The following ST8SIA1 variants were observed in gnomAD, a reference collection of about 807,000 sequenced individuals.
ST8SIA1 encodes the protein ST8 alpha-N-acetyl-neuraminide alpha-2,8-sialyltransferase 1.
A neutral mutation model predicts 35.9 loss-of-function variants in ST8SIA1; 16 were observed. The ratio of observed to expected loss-of-function variants is 0.45; its 90% CI spans 0.30 to 0.68. ST8SIA1 has a LOEUF of 0.68. ST8SIA1 is among the 30% of genes least tolerant of loss of function. The pLI, the probability that ST8SIA1 is intolerant of heterozygous loss-of-function variation, is 0.09. For synonymous variants in ST8SIA1, 170 were observed against 169.6 expected, an observed-to-expected ratio of 1.00 and a Z score of -0.02; for missense variants, 383 against 453.6, an observed-to-expected ratio of 0.84 and a Z score of 1.41.
chr12:22,286,545 T>C, intron 2 of ST8SIA1: 1 of 517,396 alleles, frequency 1.9e-6, no homozygotes, highest in South Asian at 1.4e-5. Context: ...AAATTTCCCT[T>C]TTCCCCCCTC....
intron 2 of ST8SIA1, among the ~76,000 whole-genome samples, chr12:22,260,878 T>TG (rs1241404174): frequency 2.1e-5 from 3 of 146,338 alleles, no homozygotes; most frequent in Non-Finnish European, 3.0e-5. Flanking sequence ...GTTGTTGTTT[T>TG]TTTTTTTTTT....
intron 2 of ST8SIA1, among the ~76,000 whole-genome samples, chr12:22,278,558 T>A (rs1187746102): frequency 6.6e-6 from 1 of 152,090 alleles, no homozygotes; most frequent in Non-Finnish European, 1.5e-5. Flanking sequence ...AAAATCAGAG[T>A]GGATTGAACT....
intron 1 of ST8SIA1, among the ~76,000 whole-genome samples, chr12:22,318,471 A>G (rs551541197): frequency 6.6e-6 from 1 of 152,328 alleles, no homozygotes; most frequent in Non-Finnish European, 1.5e-5. Flanking sequence ...CTAGATAGTT[A>G]AGAGAGCAAA....
chr12:22,330,601 ATAGCAAC>A (rs1232499320), intron 1 of ST8SIA1, among the ~76,000 whole-genome samples: 3 of 152,188 alleles, frequency 2.0e-5, no homozygotes, highest in African/African-American at 7.2e-5. Context: ...CCATGGGATT[ATAGCAAC>A]TCCCTTGAAG....
chr12:22,308,755 A>G (rs1210004866), intron 1 of ST8SIA1, among the ~76,000 whole-genome samples: 1 of 152,188 alleles, frequency 6.6e-6, no homozygotes, highest in Non-Finnish European at 1.5e-5. Flanking sequence ...TGATCGCTGA[A>G]GCATTTGACA....
At chr12:22,270,400 C>G (rs1865898511) in intron 2 of ST8SIA1, among the ~76,000 whole-genome samples, 1 of 152,144 alleles carries the variant, frequency 6.6e-6, no homozygotes, top group Admixed American at 6.5e-5. Context: ...AAAATATAAC[C>G]AACCTACTCT....
At chr12:22,294,933 C>T (rs958496569) in intron 1 of ST8SIA1, among the ~76,000 whole-genome samples, 2 of 152,088 alleles carry the variant, frequency 1.3e-5, no homozygotes, top group African/African-American at 4.8e-5. Flanking sequence ...TTTTGAGAAC[C>T]ACTTATTTGT....
At chr12:22,270,242 A>G (rs974547358) in intron 2 of ST8SIA1, among the ~76,000 whole-genome samples, 1 of 152,238 alleles carries the variant, frequency 6.6e-6, no homozygotes, top group Non-Finnish European at 1.5e-5. Flanking sequence ...CTCAATTTCT[A>G]CATGTCAAAT....
intron 1 of ST8SIA1, chr12:22,325,707 T>C (rs1866666990): frequency 1.6e-6 from 1 of 615,860 alleles, no homozygotes; most frequent in Non-Finnish European, 2.9e-6. Context: ...TATACATACA[T>C]GCCTATGATA....
intron 2 of ST8SIA1, among the ~76,000 whole-genome samples, chr12:22,273,568 G>A (rs569381720): frequency 6.6e-4 from 101 of 152,256 alleles, no homozygotes; most frequent in African/African-American, 2.4e-3. Flanking sequence ...CCCAGACCTA[G>A]CTGAGCTAAC....
intron 2 of ST8SIA1, among the ~76,000 whole-genome samples, chr12:22,279,592 C>T (rs570972390): frequency 6.6e-6 from 1 of 152,332 alleles, no homozygotes; most frequent in South Asian, 2.1e-4. Context: ...TTAAACGGAT[C>T]TCTGGGTATA....
intron 2 of ST8SIA1, among the ~76,000 whole-genome samples, chr12:22,265,353 C>T (rs547694284): frequency 2.6e-5 from 4 of 152,320 alleles, no homozygotes; most frequent in African/African-American, 7.2e-5. Flanking sequence ...CATTGCTAGA[C>T]GTCATACTTG....
intron 2 of ST8SIA1, among the ~76,000 whole-genome samples, chr12:22,259,729 G>T (rs1400083889): frequency 6.6e-6 from 1 of 152,118 alleles, no homozygotes; most frequent in African/African-American, 2.4e-5. Context: ...GCCTCCCAAA[G>T]TGCTGGGATT....
At chr12:22,213,012 G>A (rs1280821598) in intron 4 of ST8SIA1, among the ~76,000 whole-genome samples, 2 of 152,056 alleles carry the variant, frequency 1.3e-5, no homozygotes, top group East Asian at 3.9e-4. Flanking sequence ...TTGCATTCAG[G>A]TAGACCAACT....
At chr12:22,298,871 C>G (rs927879819) in intron 1 of ST8SIA1, among the ~76,000 whole-genome samples, 2 of 152,076 alleles carry the variant, frequency 1.3e-5, no homozygotes, top group Non-Finnish European at 2.9e-5. Context: ...TTGAAAGCAA[C>G]AGTTAAGGAG....
Position 22,334,486 on chromosome 12 carries a change from G to T in ST8SIA1, c.-254C>A. 1.8e-6 allele frequency: 1 copy of T among 542,932 alleles called. No homozygotes were observed. The highest frequency in any genetic ancestry group is 3.1e-5 in the East Asian group (1 of 32,488). The allele number at this position is 542,932 out of a possible 1,614,324, so 33.6% of individuals were successfully genotyped here. A position where few individuals can be genotyped will look rare whatever the true frequency, so the allele number is the denominator to read the frequency against. On this transcript the variant is annotated 5_prime_UTR_variant, in exon 1 of 5. Coordinates refer to ENST00000396037, the MANE Select transcript of ST8SIA1 (RefSeq NM_003034.4). ...GAAGTCACGATCTATGGCCATGGTC[G>T]CTTCCCCTGCAGAAGGCGGGCGCTG... is the stretch of plus-strand genomic sequence containing the variant.
rs1178121987 is a variant in ST8SIA1, at chr12:22,199,113, A to G, written c.*2439T>C. On this transcript the variant is annotated 3_prime_UTR_variant, in exon 5 of 5. Coordinates refer to ENST00000396037, the MANE Select transcript of ST8SIA1 (RefSeq NM_003034.4). ...TGCATAAATCTATCCCAGGCATCATAAAAAGATGAAAAATTTCCACATAAT... is the reference window on the plus strand; with the variant it reads ...TGCATAAATCTATCCCAGGCATCATGAAAAGATGAAAAATTTCCACATAAT... 6.6e-6 allele frequency: 1 copy of G among 152,040 alleles called. No homozygotes were observed. Among genetic ancestry groups the G allele is most frequent in the Non-Finnish European group, 1.5e-5 (1 of 68,036 alleles). The allele number at this position is 152,040 out of a possible 1,614,324, so 9.4% of individuals were successfully genotyped here.
intron 4 of ST8SIA1, among the ~76,000 whole-genome samples, chr12:22,236,716 T>G (rs1326835372): frequency 2.0e-5 from 3 of 152,226 alleles, no homozygotes; most frequent in African/African-American, 7.2e-5. Context: ...CAAATATTTA[T>G]TTACTAATTA....
intron 1 of ST8SIA1, among the ~76,000 whole-genome samples, chr12:22,295,269 G>C (rs543534317): frequency 1.3e-5 from 2 of 152,322 alleles, no homozygotes; most frequent in South Asian, 4.1e-4. Flanking sequence ...TCTGAAAGAA[G>C]AGTATAGTGG....
Sources: gnomAD v4.1 joint callset for allele counts (sites outside exome capture counted in the v4.1 genomes callset) on GRCh38, gnomAD v4.1.1 for gene constraint, MANE v1.5 for transcripts, NCBI Gene and HGNC (gene_info 2026-07-23, HGNC 2026-07-21) for gene names.